Variants in KLRD1 observed in about 807,000 individuals in gnomAD.
KLRD1 encodes the protein natural killer cells antigen CD94.
A neutral mutation model predicts 22.6 loss-of-function variants in KLRD1; 21 were observed. The observed-to-expected ratio is 0.93, with a 90% CI of 0.66 to 1.34. The LOEUF (loss-of-function observed/expected upper bound fraction) is 1.34. Ranked by LOEUF, KLRD1 falls within the 40% of genes most tolerant of loss-of-function variation. The pLI, the probability that KLRD1 is intolerant of heterozygous loss-of-function variation, is 0.00. For missense variants in KLRD1, 183 were observed against 208.6 expected (o/e 0.88, Z 0.76); for synonymous variants, 59 against 71.1 (o/e 0.83, Z 0.85).
At chr12:10,245,174 A>G (rs1215097009) in intron 1 of KLRD1, among the ~76,000 whole-genome samples, 1 of 152,098 alleles carries the variant, frequency 6.6e-6, no homozygotes, top group East Asian at 1.9e-4. Context: ...CCTGGCCAAT[A>G]TGGTGAAACT....
chr12:10,278,132 A>G (rs1360061453), intron 1 of KLRD1, among the ~76,000 whole-genome samples: 2 of 152,188 alleles, frequency 1.3e-5, no homozygotes, highest in Non-Finnish European at 2.9e-5. Context: ...AGGAGACCAC[A>G]TTGCACAGGG....
intron 3 of KLRD1, 134 bp downstream of exon 3, chr12:10,309,822 A>C: frequency 4.6e-6 from 3 of 645,270 alleles, no homozygotes; most frequent in Non-Finnish European, 8.3e-6. Context: ...GGATAGTCTC[A>C]TTTTACATTG....
intron 1 of KLRD1, among the ~76,000 whole-genome samples, chr12:10,268,074 A>G (rs1479508803): frequency 6.6e-6 from 1 of 152,214 alleles, no homozygotes; most frequent in Non-Finnish European, 1.5e-5. Flanking sequence ...TTGCATTTTG[A>G]GGAGACAATT....
At chr12:10,242,117 T>G (rs929489048) in intron 1 of KLRD1, among the ~76,000 whole-genome samples, 5 of 139,138 alleles carry the variant, frequency 3.6e-5, no homozygotes, top group African/African-American at 1.3e-4. Flanking sequence ...TCTTGCAGCT[T>G]CTAGTCAAAT....
chr12:10,307,394 G>C (rs1949949493), upstream of KLRD1, among the ~76,000 whole-genome samples: 1 of 152,134 alleles, frequency 6.6e-6, no homozygotes, highest in Non-Finnish European at 1.5e-5. Context: ...TAATTAGGTA[G>C]AGATCAGAAG....
rs1459322157 is a variant in KLRD1 at position 10,322,963 on chromosome 12, C to T, written c.*8170C>T. 4 of 152,206 alleles carry T rather than the reference C, an allele frequency of 2.6e-5. No homozygotes were observed. The highest frequency in any genetic ancestry group is 1.3e-4 in the Admixed American group (2 of 15,284). The allele number at this position is 152,206 out of a possible 1,614,324, so 9.4% of individuals were successfully genotyped here. A position where few individuals can be genotyped will look rare whatever the true frequency, so the allele number is the denominator to read the frequency against. ...TTGTGGCTTCTGTTGCTAAGCATTA[C>T]GTCTGTGAGATACATCCATATATTC... On this transcript the variant is annotated 3_prime_UTR_variant, in exon 6 of 6. Transcript: ENST00000336164.
chr12:10,239,160 G>T (rs1334559999), intron 1 of KLRD1, among the ~76,000 whole-genome samples: 1 of 152,236 alleles, frequency 6.6e-6, no homozygotes, highest in Non-Finnish European at 1.5e-5. Context: ...ACAGTATCAT[G>T]AGATGAGGCT....
upstream of KLRD1, among the ~76,000 whole-genome samples, chr12:10,302,105 A>G (rs1350728097): frequency 6.6e-6 from 1 of 152,198 alleles, no homozygotes; most frequent in African/African-American, 2.4e-5. Flanking sequence ...ATATAATATT[A>G]ATGAAAATAT....
At position 10,309,479 on chromosome 12, in the gene KLRD1, T is replaced by C. The variant is rs528896796; in HGVS notation, c.99T>C (p.Asn33=). Residue 33 remains asparagine (N), a splice_region_variant and synonymous_variant, in exon 2 of 6, where the codon AAT becomes AAC. Coordinates refer to ENST00000336164, the MANE Select transcript of KLRD1 (RefSeq NM_002262.5). ...CTACGTTGGGAATTTTGTTGAAAAA[T>C]TGTAAGTTTTTCTAAGCAAGTCTCC... The part of the protein sequence containing the change: ...LMSTLGILLK[N]SFTKLSIEPA... 3 of 1,460,336 alleles carry C rather than the reference T, an allele frequency of 2.1e-6. No individual in the cohort carries two copies. The highest frequency in any genetic ancestry group is 1.4e-5 in the African/African-American group (1 of 72,282). 90.5% of individuals were successfully genotyped at this position (1,460,336 alleles called of 1,614,324 possible). A position where few individuals can be genotyped will look rare whatever the true frequency, so the allele number is the denominator to read the frequency against.
chr12:10,260,243 C>T (rs1246658245), intron 1 of KLRD1, among the ~76,000 whole-genome samples: 1 of 152,008 alleles, frequency 6.6e-6, no homozygotes, highest in Non-Finnish European at 1.5e-5. Context: ...ATCATATAGC[C>T]TTCATTTTCT....
intron 1 of KLRD1, among the ~76,000 whole-genome samples, chr12:10,259,747 C>T (rs1198147103): frequency 3.3e-5 from 5 of 152,198 alleles, no homozygotes; most frequent in Non-Finnish European, 5.9e-5. Context: ...AGACGGATCA[C>T]GTGAAGTTGG....
intron 1 of KLRD1, among the ~76,000 whole-genome samples, chr12:10,268,024 T>A (rs1469032174): frequency 1.3e-5 from 2 of 152,204 alleles, no homozygotes; most frequent in Non-Finnish European, 2.9e-5. Context: ...ATCCACAGTG[T>A]TAAGAAACTA....
At chr12:10,271,661 A>G (rs112774061) in intron 1 of KLRD1, among the ~76,000 whole-genome samples, 40 of 152,200 alleles carry the variant, frequency 2.6e-4, no homozygotes, top group African/African-American at 9.4e-4. Context: ...TTCCTCAGAA[A>G]ACTCTAAAAA....
At chr12:10,254,842 G>C (rs879525823) in intron 1 of KLRD1, among the ~76,000 whole-genome samples, 33 of 132,794 alleles carry the variant, frequency 2.5e-4, no homozygotes, top group Non-Finnish European at 3.8e-4. Context: ...GCAGTGAGCT[G>C]AGATTGCGCT....
chr12:10,243,811 C>T (rs937676971), intron 1 of KLRD1, among the ~76,000 whole-genome samples: 3 of 151,848 alleles, frequency 2.0e-5, no homozygotes, highest in Admixed American at 6.6e-5. Flanking sequence ...TCATTGGTAG[C>T]GGTTTTAGAA....
intron 1 of KLRD1, among the ~76,000 whole-genome samples, chr12:10,293,067 T>C (rs2137668758): frequency 6.8e-6 from 1 of 146,072 alleles, no homozygotes; most frequent in South Asian, 2.2e-4. Context: ...ACAGCCTTCA[T>C]AGAATTGAAG....
At chr12:10,309,063 C>T in intron 1 of KLRD1, 2 of 207,950 alleles carry the variant, frequency 9.6e-6, no homozygotes, top group Non-Finnish European at 1.9e-5. Flanking sequence ...CCATAAAACA[C>T]AACGTGGTGC....
At chr12:10,285,572 A>T (rs911828817) in intron 1 of KLRD1, among the ~76,000 whole-genome samples, 4 of 152,198 alleles carry the variant, frequency 2.6e-5, no homozygotes, top group Non-Finnish European at 5.9e-5. Flanking sequence ...GGTTTTATTT[A>T]ACATCTTTCT....
chr12:10,275,696 A>C (rs1949586420), intron 1 of KLRD1, among the ~76,000 whole-genome samples: 1 of 152,206 alleles, frequency 6.6e-6, no homozygotes, highest in Admixed American at 6.5e-5. Flanking sequence ...ATATCAAGTG[A>C]GATAATATGC....
Sources: gnomAD v4.1 joint callset for allele counts (sites outside exome capture counted in the v4.1 genomes callset) on GRCh38, gnomAD v4.1.1 for gene constraint, MANE v1.5 for transcripts, NCBI Gene and HGNC (gene_info 2026-07-23, HGNC 2026-07-21) for gene names.